Variants in SCN8A observed in about 807,000 individuals in gnomAD.
SCN8A encodes the protein sodium channel protein type 8 subunit alpha.
A neutral mutation model predicts 184.1 loss-of-function variants in SCN8A; 30 were observed. The observed-to-expected ratio is 0.16, with a 90% CI of 0.12 to 0.22. The LOEUF is 0.22. Ranked by LOEUF, SCN8A falls within the 10% of genes least tolerant of loss-of-function variation. SCN8A has a pLI of 1.00. For missense variants in SCN8A, 1,057 were observed against 2,498.9 expected (o/e 0.42, Z 12.30); for synonymous variants, 852 against 907.0 (o/e 0.94, Z 1.09).
At chr12:51,735,742 C>T (rs954900707) in intron 12 of SCN8A, among the ~76,000 whole-genome samples, 18 of 152,160 alleles carry the variant, frequency 1.2e-4, no homozygotes, top group African/African-American at 3.4e-4. Context: ...TGGCTGCAAC[C>T]GGGGGGTCCT....
chr12:51,788,585 A>G, intron 22 of SCN8A, 110 bp from the exon 23 acceptor site: 1 of 649,278 alleles, frequency 1.5e-6, no homozygotes, highest in Admixed American at 3.4e-5. Flanking sequence ...CTGCACCCAA[A>G]CCCCTGTTCT....
Position 51,806,260 on chromosome 12 carries a change from C to A in SCN8A, c.4796-22C>A. Reference sequence around the variant, plus strand: ...GGTGTCTCCCATCTCAATAACATAACTTCTTCTATTCCTCTTCTTAGGAAT... The same window carrying A: ...GGTGTCTCCCATCTCAATAACATAAATTCTTCTATTCCTCTTCTTAGGAAT... On this transcript the variant is annotated intron_variant, in intron 26 of 26. Coordinates refer to ENST00000627620, the MANE Select transcript of SCN8A (RefSeq NM_001330260.2). The surrounding 1 kb of genome is among the most constrained non-coding windows in gnomAD (Gnocchi z 8.7). 6.7e-7 allele frequency: 1 copy of A among 1,500,262 alleles called. No individual in the cohort carries two copies. The highest frequency in any genetic ancestry group is 2.3e-5 in the Admixed American group (1 of 43,404). 92.9% of individuals were successfully genotyped at this position (1,500,262 alleles called of 1,614,324 possible).
intron 5 of SCN8A, chr12:51,688,796 C>G: frequency 6.2e-7 from 1 of 1,613,962 alleles, no homozygotes; most frequent in African/African-American, 1.3e-5. Flanking sequence ...AATGTTTCAG[C>G]TCTACGCACT....
At chr12:51,607,363 C>T (rs1428411213) in intron 1 of SCN8A, among the ~76,000 whole-genome samples, 7 of 152,114 alleles carry the variant, frequency 4.6e-5, no homozygotes, top group South Asian at 4.1e-4. Context: ...ATGATCATAT[C>T]GTCAGCAAAT....
rs1938902174 is a variant in SCN8A at position 51,811,644 on chromosome 12, C to G, written c.*4215C>G. The G allele has an allele frequency of 6.5e-6, 1 of 152,948 alleles. No individual in the cohort carries two copies. The highest frequency in any genetic ancestry group is 1.5e-5 in the Non-Finnish European group (1 of 68,638). 9.5% of individuals were successfully genotyped at this position (152,948 alleles called of 1,614,324 possible). A position where few individuals can be genotyped will look rare whatever the true frequency, so the allele number is the denominator to read the frequency against. The stretch of plus-strand genomic sequence containing the variant: ...GGGCACGCTTCCTCTTCCTTCTCTC[C>G]CTGTCCCCCTTTGGGGACATCCCTC... On this transcript the variant is annotated 3_prime_UTR_variant, in exon 27 of 27. Coordinates refer to ENST00000627620, the MANE Select transcript of SCN8A (RefSeq NM_001330260.2).
intron 1 of SCN8A, among the ~76,000 whole-genome samples, chr12:51,634,656 A>ATTTTTTT (rs10639290): frequency 4.4e-5 from 6 of 136,652 alleles, no homozygotes; most frequent in African/African-American, 1.6e-4. Flanking sequence ...TATTATTATT[A>ATTTTTTT]TTTTTTTTTT....
intron 8 of SCN8A, among the ~76,000 whole-genome samples, chr12:51,701,802 G>T (rs1168108004): frequency 1.3e-5 from 2 of 152,162 alleles, no homozygotes; most frequent in Admixed American, 1.3e-4. Context: ...CTTTATAAAT[G>T]TAGGGTGGTA....
intron 1 of SCN8A, among the ~76,000 whole-genome samples, chr12:51,651,039 C>T (rs1940700960): frequency 1.3e-5 from 2 of 152,228 alleles, no homozygotes; most frequent in Non-Finnish European, 2.9e-5. Context: ...AGCAGCATGT[C>T]CTTAAGGCAC....
chr12:51,601,587 T>C (rs948843100), intron 1 of SCN8A, among the ~76,000 whole-genome samples: 7 of 152,098 alleles, frequency 4.6e-5, no homozygotes, highest in African/African-American at 1.7e-4. Flanking sequence ...TTCATCTTTG[T>C]GTTATGAGTG....
intron 12 of SCN8A, among the ~76,000 whole-genome samples, chr12:51,729,451 T>A (rs1942207047): frequency 6.6e-6 from 1 of 152,076 alleles, no homozygotes; most frequent in Non-Finnish European, 1.5e-5. Flanking sequence ...CTGCTTTCAA[T>A]CAACAAGATA....
intron 1 of SCN8A, among the ~76,000 whole-genome samples, chr12:51,662,400 T>C (rs533807644): frequency 6.6e-6 from 1 of 152,310 alleles, no homozygotes; most frequent in East Asian, 1.9e-4. Context: ...TGACTTGAAC[T>C]GTAAGGACTT....
chr12:51,650,394 A>T (rs1448159600), intron 1 of SCN8A, among the ~76,000 whole-genome samples: 1 of 152,094 alleles, frequency 6.6e-6, no homozygotes, highest in Non-Finnish European at 1.5e-5. Context: ...GTCCGTTTTC[A>T]TGCTGCTGAT....
At chr12:51,636,029 C>T (rs566103099) in intron 1 of SCN8A, among the ~76,000 whole-genome samples, 2 of 152,200 alleles carry the variant, frequency 1.3e-5, no homozygotes, top group African/African-American at 2.4e-5. Flanking sequence ...CAATCTCGCT[C>T]TGTCGCCCAG....
intron 21 of SCN8A, among the ~76,000 whole-genome samples, chr12:51,781,178 AGG>A (rs745884182): frequency 6.6e-6 from 1 of 152,170 alleles, no homozygotes; most frequent in Non-Finnish European, 1.5e-5. Flanking sequence ...GGCATCAGCC[AGG>A]TGGGGACTGT....
In SCN8A at chr12:51,806,144, A is replaced by G; in HGVS notation, c.4796-138A>G. On this transcript the variant is annotated intron_variant, in intron 26 of 26. Transcript: ENST00000627620. This position sits in a 1 kb window ranked among gnomAD's most constrained non-coding sequence, Gnocchi z 8.7. ...TGCCCAGCCAAAATGTCACTTTTTG[A>G]GAGTTCAGACTGAATAGTAAGGCAC... The G allele has an allele frequency of 2.6e-6, 2 of 770,744 alleles. No individual in the cohort carries two copies. The highest frequency in any genetic ancestry group is 2.8e-5 in the East Asian group (1 of 36,280). 47.7% of individuals were successfully genotyped at this position (770,744 alleles called of 1,614,324 possible).
At chr12:51,599,761 G>A (rs2138554991) in intron 1 of SCN8A, among the ~76,000 whole-genome samples, 1 of 152,290 alleles carries the variant, frequency 6.6e-6, no homozygotes, top group South Asian at 2.1e-4. Context: ...GAGTAGTGTA[G>A]TGGTTATAAG....
rs535576024 is a variant in SCN8A at position 51,713,020 on chromosome 12, C to T, written c.1635+6305C>T. 9.6e-6 allele frequency: 15 copies of T among 1,562,812 alleles called. No individual in the cohort carries two copies. The South Asian group carries it at 1.1e-4, about 12-fold the overall frequency. ...TTTAGAAAGGGCCTTTTTCACTTCA[C>T]AATTATGCCCATTAATAGTGTGGTA... On this transcript the variant is annotated intron_variant, in intron 11 of 26. Coordinates refer to ENST00000627620, the MANE Select transcript of SCN8A (RefSeq NM_001330260.2).
chr12:51,672,124 C>A (rs1299490454), intron 2 of SCN8A, among the ~76,000 whole-genome samples: 3 of 152,160 alleles, frequency 2.0e-5, no homozygotes, highest in Non-Finnish European at 4.4e-5. Context: ...TCTGTAAACA[C>A]ACTCAAAGCC....
chr12:51,710,369 C>T (rs1450403458), intron 11 of SCN8A, among the ~76,000 whole-genome samples: 1 of 152,150 alleles, frequency 6.6e-6, no homozygotes. Context: ...AACACCCTCT[C>T]TAAAATGTCC....
Sources: allele counts gnomAD v4.1 joint callset (sites outside exome capture counted in the v4.1 genomes callset), GRCh38; gene constraint gnomAD v4.1.1; non-coding constraint Gnocchi (gnomAD v3.1); transcripts MANE v1.5; gene names NCBI Gene and HGNC (gene_info 2026-07-23, HGNC 2026-07-21).